The following TEKT3 variants were observed in gnomAD, a reference collection of about 807,000 sequenced individuals.
TEKT3 encodes the protein tektin-3.
Under a neutral mutation model 49.8 loss-of-function variants are expected in TEKT3, and 49 were observed. The observed-to-expected ratio is 0.98, with a 90% CI of 0.78 to 1.25. The LOEUF is 1.25. Ranked by LOEUF, TEKT3 falls within the 50% of genes most tolerant of loss-of-function variation. The pLI is 0.00. For missense variants in TEKT3, 595 were observed against 629.5 expected (o/e 0.95, Z 0.59); for synonymous variants, 225 against 237.2 (o/e 0.95, Z 0.47).
chr17:15,326,834 T>C (rs1911513778), intron 4 of TEKT3, among the ~76,000 whole-genome samples: 1 of 152,108 alleles, frequency 6.6e-6, no homozygotes, highest in South Asian at 2.1e-4. Context: ...TGGTAGCAAG[T>C]CTAAGAAGTG....
intron 4 of TEKT3, 66 bp from the exon 5 acceptor site, chr17:15,319,213 T>G: frequency 7.6e-7 from 1 of 1,314,370 alleles, no homozygotes; most frequent in Non-Finnish European, 1.0e-6. Context: ...AAATCAACAA[T>G]GTAACAAACA....
At chr17:15,332,587 G>A (rs944018612) in intron 2 of TEKT3, among the ~76,000 whole-genome samples, 4 of 152,068 alleles carry the variant, frequency 2.6e-5, no homozygotes, top group African/African-American at 4.8e-5. Context: ...ATATGCAAAC[G>A]CAGCTCGAGG....
At chr17:15,316,459 G>A (rs1007015898) in intron 5 of TEKT3, among the ~76,000 whole-genome samples, 4 of 152,138 alleles carry the variant, frequency 2.6e-5, no homozygotes, top group African/African-American at 7.2e-5. Flanking sequence ...GAACAGTGGG[G>A]CTCAAAGGAG....
intron 2 of TEKT3, among the ~76,000 whole-genome samples, chr17:15,332,279 A>G (rs1262944463): frequency 1.3e-5 from 2 of 152,226 alleles, no homozygotes; most frequent in Non-Finnish European, 2.9e-5. Context: ...CTAAAAATCT[A>G]GACAAGAAAC....
intron 4 of TEKT3, among the ~76,000 whole-genome samples, chr17:15,324,162 A>G (rs935371553): frequency 1.3e-5 from 2 of 152,138 alleles, no homozygotes; most frequent in Non-Finnish European, 2.9e-5. Flanking sequence ...AGATTTCCCT[A>G]TTCTGGAAAT....
At chr17:15,306,286 C>A (rs1380189) in intron 8 of TEKT3, among the ~76,000 whole-genome samples, 1 of 152,060 alleles carries the variant, frequency 6.6e-6, no homozygotes, top group Admixed American at 6.6e-5. Context: ...AGCAATTTTT[C>A]TCAGTCCCCA....
intron 6 of TEKT3, 22 bp downstream of exon 6, chr17:15,314,065 C>T (rs765774806): frequency 1.2e-6 from 2 of 1,614,004 alleles, no homozygotes; most frequent in Admixed American, 1.7e-5. Flanking sequence ...GAAATCACAG[C>T]CGTGGCGTGT....
chr17:15,304,008 G>A lies in TEKT3; in HGVS notation c.1401C>T (p.Tyr467=). ...YDLAVKANSL[Y]IDQEKCMSMR... The stretch of plus-strand genomic sequence containing the variant: ...TGCTCATGCATTTTTCCTGGTCGAT[G>A]TACAGGGAATTGGCTTTGACAGCCA... The change falls in exon 9 of 9, where the codon TAC becomes TAT. Residue 467 remains tyrosine, a synonymous_variant. Coordinates refer to ENST00000395930, the MANE Select transcript of TEKT3 (RefSeq NM_031898.3). This position sits in a 1 kb window ranked among gnomAD's most constrained non-coding sequence, Gnocchi z 4.7. 1.9e-6 allele frequency: 3 copies of A among 1,614,164 alleles called. No homozygotes were observed. Among genetic ancestry groups the A allele is most frequent in the Non-Finnish European group, 2.5e-6 (3 of 1,180,022 alleles).
At chr17:15,329,480 T>C (rs1029555074) in intron 3 of TEKT3, among the ~76,000 whole-genome samples, 1 of 152,218 alleles carries the variant, frequency 6.6e-6, no homozygotes, top group African/African-American at 2.4e-5. Context: ...TTTAAGGATA[T>C]TTTCAATTCT....
At chr17:15,335,237 G>C (rs1470159220) in intron 2 of TEKT3, among the ~76,000 whole-genome samples, 7 of 152,206 alleles carry the variant, frequency 4.6e-5, no homozygotes, top group Non-Finnish European at 8.8e-5. Context: ...GGAATAAAGT[G>C]AGCTATGCCG....
intron 7 of TEKT3, among the ~76,000 whole-genome samples, chr17:15,310,089 C>T (rs1910708216): frequency 2.0e-5 from 3 of 152,246 alleles, no homozygotes; most frequent in Admixed American, 2.0e-4. Flanking sequence ...GTTTCTATCA[C>T]TAAGGCCTTC....
At chr17:15,309,486 AAG>A (rs1442173902) in intron 7 of TEKT3, among the ~76,000 whole-genome samples, 1 of 152,074 alleles carries the variant, frequency 6.6e-6, no homozygotes, top group South Asian at 2.1e-4. Flanking sequence ...TTTCTCTGTA[AAG>A]AGAGTCCCTG....
chr17:15,330,790 A>T (rs1317217108), intron 3 of TEKT3, among the ~76,000 whole-genome samples: 2 of 152,160 alleles, frequency 1.3e-5, no homozygotes, highest in East Asian at 3.8e-4. Flanking sequence ...TTGCATTCAG[A>T]ATTACCTCTT....
upstream of TEKT3, among the ~76,000 whole-genome samples, chr17:15,342,130 G>A (rs1368282360): frequency 6.6e-6 from 1 of 152,052 alleles, no homozygotes; most frequent in Non-Finnish European, 1.5e-5. Context: ...AAATATTTCC[G>A]TAAACAGCAG....
chr17:15,317,582 A>T (rs1911063337), intron 5 of TEKT3, among the ~76,000 whole-genome samples: 1 of 152,216 alleles, frequency 6.6e-6, no homozygotes, highest in African/African-American at 2.4e-5. Context: ...CCTGACGCAC[A>T]GGATGGGCAA....
chr17:15,309,735 C>T (rs1567573475), intron 7 of TEKT3, among the ~76,000 whole-genome samples: 1 of 152,162 alleles, frequency 6.6e-6, no homozygotes, highest in East Asian at 1.9e-4. Flanking sequence ...CCTTCACTTC[C>T]CACCCACCCA....
At chr17:15,322,175 A>G (rs1443610081) in intron 4 of TEKT3, among the ~76,000 whole-genome samples, 1 of 152,194 alleles carries the variant, frequency 6.6e-6, no homozygotes, top group African/African-American at 2.4e-5. Context: ...CCACAGTGCA[A>G]TGTATCAATG....
intron 7 of TEKT3, chr17:15,311,490 C>T (rs1331705394): frequency 1.3e-5 from 2 of 152,168 alleles, no homozygotes; most frequent in Admixed American, 1.3e-4. Context: ...TTTCAACTAG[C>T]TAGGGGGAGG....
intron 2 of TEKT3, among the ~76,000 whole-genome samples, chr17:15,339,286 G>A (rs1185422868): frequency 1.3e-5 from 2 of 152,152 alleles, no homozygotes; most frequent in African/African-American, 2.4e-5. Flanking sequence ...CTCCAGAACT[G>A]TGAGCCCAAT....
Sources: allele counts gnomAD v4.1 joint callset (sites outside exome capture counted in the v4.1 genomes callset), GRCh38; gene constraint gnomAD v4.1.1; non-coding constraint Gnocchi (gnomAD v3.1); transcripts MANE v1.5; gene names NCBI Gene and HGNC (gene_info 2026-07-23, HGNC 2026-07-21).